Variants in RBL1 observed in about 807,000 individuals in gnomAD.
RBL1 encodes the protein retinoblastoma-like protein 1.
In RBL1, 82 loss-of-function variants were observed where a neutral mutation model predicts 123.0. The ratio of observed to expected loss-of-function variants is 0.67; its 90% CI spans 0.56 to 0.80. The LOEUF is 0.80. RBL1 is among the 30% of genes least tolerant of loss of function. The pLI is 0.00. For missense variants in RBL1, 1,171 were observed against 1,299.6 expected (o/e 0.90, Z 1.52); for synonymous variants, 405 against 441.3 (o/e 0.92, Z 1.03).
At position 37,055,666 on chromosome 20, in the gene RBL1, A is replaced by T. The variant is rs1023867291; in HGVS notation, c.1364-10T>A. ...CTGTTTACAGCAAAGTCTATCAGGG[A>T]AATACAGAGAAAACATGTGTTAATG... On this transcript the variant is annotated splice_polypyrimidine_tract_variant and intron_variant, in intron 10 of 21. Transcript: ENST00000373664. 1.5e-5 allele frequency: 24 copies of T among 1,590,370 alleles called. No individual in the cohort carries two copies. Among genetic ancestry groups the T allele is most frequent in the Non-Finnish European group, 1.8e-5 (21 of 1,170,884 alleles).
At chr20:37,091,230 C>T (rs188391983) in intron 1 of RBL1, among the ~76,000 whole-genome samples, 61 of 152,022 alleles carry the variant, frequency 4.0e-4, no homozygotes, top group East Asian at 2.3e-3. Flanking sequence ...TGGTGGCGCA[C>T]GCCTGTAATC....
chr20:37,035,226 T>C lies in RBL1; in HGVS notation c.2170+16A>G. On this transcript the variant is annotated intron_variant, in intron 15 of 21. Transcript: ENST00000373664. ...TATCTCAGAAAAAGTACAAAACAAA[T>C]GCACTATAACGTTACCATGTAATGG... is the stretch of plus-strand genomic sequence containing the variant. 6.3e-7 allele frequency: 1 copy of C among 1,586,946 alleles called. No individual in the cohort carries two copies. The highest frequency in any genetic ancestry group is 8.6e-7 in the Non-Finnish European group (1 of 1,164,816).
intron 7 of RBL1, among the ~76,000 whole-genome samples, chr20:37,064,151 T>A (rs2065141717): frequency 6.7e-6 from 1 of 150,220 alleles, no homozygotes; most frequent in Non-Finnish European, 1.5e-5. Flanking sequence ...TTTTTTTTTT[T>A]TTTTTGAGAT....
At chr20:37,048,762 T>C (rs969519059) in intron 11 of RBL1, among the ~76,000 whole-genome samples, 1 of 151,958 alleles carries the variant, frequency 6.6e-6, no homozygotes, top group African/African-American at 2.4e-5. Context: ...CTGAAAAACA[T>C]AGGTCAAAAC....
chr20:37,081,460 G>C (rs2146325469), intron 2 of RBL1, among the ~76,000 whole-genome samples: 1 of 152,170 alleles, frequency 6.6e-6, no homozygotes, highest in South Asian at 2.1e-4. Flanking sequence ...GGGCAACAAA[G>C]CCAGACCCAG....
Position 37,020,676 on chromosome 20 carries a change from G to T in RBL1, c.2614C>A (p.Pro872Thr). The T allele has an allele frequency of 6.3e-7, 1 of 1,586,516 alleles. No individual in the cohort carries two copies. The highest frequency in any genetic ancestry group is 1.7e-5 in the Admixed American group (1 of 57,656). Residue 872 changes from proline (P) to threonine (T), a missense_variant, in exon 18 of 22, where the codon CCC becomes ACC. By Grantham distance (38) the Pro-to-Thr change is conservative. Coordinates refer to ENST00000373664, the MANE Select transcript of RBL1 (RefSeq NM_002895.5). Reference protein sequence around the residue: ...QEIMKSYRNQPQANSHVYRSV... With the variant: ...QEIMKSYRNQTQANSHVYRSV... ...TAACTCACGTGACTATTAGCTTGGG[G>T]CTGATTCCTATAACTTTTCATAATT... is the stretch of plus-strand genomic sequence containing the variant.
intron 20 of RBL1, among the ~76,000 whole-genome samples, chr20:37,004,775 C>T (rs181898303): frequency 1.1e-4 from 16 of 146,790 alleles, no homozygotes; most frequent in African/African-American, 4.0e-4. Context: ...CTCCTATAAT[C>T]CCAGCACTTT....
chr20:37,071,048 C>T (rs936965936), intron 2 of RBL1, among the ~76,000 whole-genome samples: 1 of 151,992 alleles, frequency 6.6e-6, no homozygotes, highest in South Asian at 2.1e-4. Flanking sequence ...GTGCACACCA[C>T]CATGCCTAGC....
intron 16 of RBL1, 90 bp downstream of exon 16, chr20:37,032,575 G>GAA: frequency 1.5e-6 from 2 of 1,353,596 alleles, no homozygotes; most frequent in Non-Finnish European, 9.9e-7. Flanking sequence ...ATGTATATTA[G>GAA]AAAAAAAAAA....
chr20:37,063,333 G>A (rs544526330), intron 7 of RBL1, among the ~76,000 whole-genome samples: 17 of 151,914 alleles, frequency 1.1e-4, no homozygotes, highest in African/African-American at 2.7e-4. Flanking sequence ...GAGTCACTTC[G>A]AGCTTGGCTG....
At chr20:37,091,113 T>C (rs957865038) in intron 1 of RBL1, among the ~76,000 whole-genome samples, 1 of 152,090 alleles carries the variant, frequency 6.6e-6, no homozygotes, top group African/African-American at 2.4e-5. Context: ...TCCTAGCACT[T>C]TGGGAGGCCG....
At chr20:37,020,406 T>C (rs987504771) in intron 18 of RBL1, among the ~76,000 whole-genome samples, 1 of 152,054 alleles carries the variant, frequency 6.6e-6, no homozygotes, top group Admixed American at 6.6e-5. Flanking sequence ...ATATCTTTCA[T>C]TAAATGAACA....
chr20:37,088,677 A>G (rs997343839), intron 2 of RBL1, among the ~76,000 whole-genome samples: 8 of 151,466 alleles, frequency 5.3e-5, no homozygotes, highest in Admixed American at 1.3e-4. Flanking sequence ...CAACATGATG[A>G]AACCCCATCT....
chr20:37,035,128 G>T, intron 15 of RBL1, 114 bp downstream of exon 15: 1 of 992,106 alleles, frequency 1.0e-6, no homozygotes, highest in Non-Finnish European at 1.4e-6. Context: ...AAAAAAAAAA[G>T]TATAGGTTCA....
At chr20:37,046,980 C>A in intron 12 of RBL1, 73 bp downstream of exon 12, 1 of 1,477,576 alleles carries the variant, frequency 6.8e-7, no homozygotes, top group Non-Finnish European at 8.9e-7. Flanking sequence ...TTTTCTTCAG[C>A]ACTAAGATAA....
rs140767596 is a variant in RBL1 at position 37,040,154 on chromosome 20, T to C, written c.1902A>G (p.Arg634=). ...TTCCTTTACCAATGTTGAACCTACC[T>C]CTTCGAAGACTCCCACTGTCAGTTC... The part of the protein sequence containing the change: ...EVRTDSGSLR[R]DMQPLSPISV... The change falls in exon 14 of 22, where the codon AGA becomes AGG. Residue 634 remains arginine (R), a splice_region_variant and synonymous_variant. Transcript: ENST00000373664. 2 of 1,613,226 alleles carry C rather than the reference T, an allele frequency of 1.2e-6. No homozygotes were observed. The highest frequency in any genetic ancestry group is 1.7e-5 in the Admixed American group (1 of 59,838).
rs2065088443 is a variant in RBL1, at chr20:37,061,210, TTC to T, written c.1141_1142del (p.Glu381SerfsTer29). On this transcript the variant is annotated frameshift_variant, in exon 9 of 22. Transcript: ENST00000373664. LOFTEE classifies it high-confidence loss of function. ...CTGATGCAACAGGAGTAATGACTGCTTCTTTTTCTCGTAAATATCTCCGTCCG... is the reference window on the plus strand; with the variant it reads ...CTGATGCAACAGGAGTAATGACTGCTTTTTTCTCGTAAATATCTCCGTCCG... Reference protein sequence around the residue: ...LTGRRYLREKEAVITPVASAT... With the variant: ...LTGRRYLREKXAVITPVASAT... The T allele has an allele frequency of 1.2e-6, 2 of 1,614,042 alleles. No homozygotes were observed. Among genetic ancestry groups the T allele is most frequent in the Non-Finnish European group, 1.7e-6 (2 of 1,180,026 alleles).
chr20:37,082,068 G>C (rs1280478436), intron 2 of RBL1: 1 of 454,610 alleles, frequency 2.2e-6, no homozygotes, highest in South Asian at 1.6e-5. Context: ...TATGCCGGGG[G>C]AGCCTGCAAG....
At position 37,040,189 on chromosome 20, in the gene RBL1, T is replaced by G. The variant is rs1289896191; in HGVS notation, c.1867A>C (p.Lys623Gln). 1 of 1,613,934 alleles carries G rather than the reference T, an allele frequency of 6.2e-7. No individual in the cohort carries two copies. The highest frequency in any genetic ancestry group is 1.3e-5 in the African/African-American group (1 of 74,918). ...PMSPLMHPRV[K>Q]EVRTDSGSLR... ...CTCCCACTGTCAGTTCGAACTTCCT[T>G]GACTCTTGGGTGCATTAGAGGAGAC... is the stretch of plus-strand genomic sequence containing the variant. Residue 623 changes from lysine to glutamine, a missense_variant, in exon 14 of 22, where the codon AAG becomes CAG. By Grantham distance (53) the Lys-to-Gln change is moderately conservative. Coordinates refer to ENST00000373664, the MANE Select transcript of RBL1 (RefSeq NM_002895.5).
Sources: allele counts gnomAD v4.1 joint callset (sites outside exome capture counted in the v4.1 genomes callset), GRCh38; gene constraint gnomAD v4.1.1; transcripts MANE v1.5; gene names NCBI Gene and HGNC (gene_info 2026-07-23, HGNC 2026-07-21).